TCP11L2: variants seen among roughly 807,000 people sequenced by gnomAD.
TCP11L2 encodes T-complex protein 11-like protein 2.
In TCP11L2, 39 loss-of-function variants were observed where a neutral mutation model predicts 50.7. The ratio of observed to expected loss-of-function variants is 0.77; its 90% CI spans 0.60 to 1.01. The LOEUF (loss-of-function observed/expected upper bound fraction) is 1.01, where lower values mean the gene tolerates loss of function less well. Ranked by LOEUF, TCP11L2 falls within the 50% of genes least tolerant of loss-of-function variation. TCP11L2 has a pLI of 0.00. For missense variants in TCP11L2, 612 were observed against 614.7 expected (o/e 1.00, Z 0.05); for synonymous variants, 192 against 219.3 (o/e 0.88, Z 1.10).
chr12:106,311,146 C>G lies in TCP11L2; in HGVS notation c.71C>G (p.Ser24Cys), dbSNP rs768539805. Reference sequence around the variant, plus strand: ...AGCGATTCTGATTCTTCCCGGTTTTCCGAAAGCATGGCTTCGCTCAGTGAC... The same window carrying G: ...AGCGATTCTGATTCTTCCCGGTTTTGCGAAAGCATGGCTTCGCTCAGTGAC... ...QPSDSDSSRFSESMASLSDYE... is the reference protein window; with the variant it reads ...QPSDSDSSRFCESMASLSDYE... The change falls in exon 2 of 10, where the codon TCC becomes TGC. Residue 24 changes from serine (S) to cysteine (C), a missense_variant. Physicochemically the swap from Ser to Cys is moderately radical, Grantham distance 112 (BLOSUM62 -1). Transcript: ENST00000299045. 1.2e-6 allele frequency: 2 copies of G among 1,614,184 alleles called. No individual in the cohort carries two copies. Among genetic ancestry groups the G allele is most frequent in the Non-Finnish European group, 1.7e-6 (2 of 1,180,044 alleles).
chr12:106,343,553 T>C lies in TCP11L2; in HGVS notation c.1315+2555T>C, dbSNP rs150593923. 8.4e-3 allele frequency among the ~76,000 whole-genome samples: 1,274 copies of C among 152,292 alleles called. 11 individuals carry two copies. Among genetic ancestry groups the C allele is most frequent in the African/African-American group, 0.029 (1,206 of 41,550 alleles). On this transcript the variant is annotated intron_variant, in intron 9 of 9. Transcript: ENST00000299045. ...CATAATCCCCAATTCCCATTACAAT[T>C]CTTAACCTTTTGAAAAGATATTAGA...
At position 106,311,241 on chromosome 12, in the gene TCP11L2, A is replaced by G. The variant is rs1399351000; in HGVS notation, c.157+9A>G. 3.7e-6 allele frequency: 6 copies of G among 1,613,030 alleles called. No homozygotes were observed. The highest frequency in any genetic ancestry group is 5.1e-6 in the Non-Finnish European group (6 of 1,179,382). On this transcript the variant is annotated intron_variant, in intron 2 of 9. Coordinates refer to ENST00000299045, the MANE Select transcript of TCP11L2 (RefSeq NM_152772.3). ...ATCCAGCTCTCCTGCTTGTGAGCCG[A>G]TGGGGGAGCAGGGGTTGTGGGTGGC...
intron 1 of TCP11L2, among the ~76,000 whole-genome samples, chr12:106,310,100 C>T (rs946492304): frequency 1.8e-4 from 28 of 152,292 alleles, no homozygotes; most frequent in African/African-American, 6.0e-4. Context: ...GGACCAAGGC[C>T]TGGTCATCCT....
At chr12:106,313,983 G>A (rs547904212) in intron 2 of TCP11L2, among the ~76,000 whole-genome samples, 63 of 152,112 alleles carry the variant, frequency 4.1e-4, no homozygotes, top group African/African-American at 1.4e-3. Context: ...AACCAGGATG[G>A]TCTTGATCTC....
chr12:106,305,186 T>G (rs1276019863), intron 1 of TCP11L2, among the ~76,000 whole-genome samples: 1 of 152,168 alleles, frequency 6.6e-6, no homozygotes, highest in East Asian at 1.9e-4. Context: ...GGCCTCAGGA[T>G]CTTATTATAA....
chr12:106,332,735 A>G (rs1279713975), intron 6 of TCP11L2, among the ~76,000 whole-genome samples: 1 of 136,702 alleles, frequency 7.3e-6, no homozygotes, highest in East Asian at 1.9e-4. Context: ...AAAGAAAAAG[A>G]GGAAGCTCTT....
chr12:106,328,988 A>G (rs1181087894), intron 6 of TCP11L2, among the ~76,000 whole-genome samples: 1 of 152,116 alleles, frequency 6.6e-6, no homozygotes, highest in African/African-American at 2.4e-5. Flanking sequence ...CTCTGAATTG[A>G]GACTCACAAA....
intron 1 of TCP11L2, among the ~76,000 whole-genome samples, chr12:106,305,537 A>G (rs1245334228): frequency 6.6e-6 from 1 of 152,190 alleles, no homozygotes; most frequent in East Asian, 1.9e-4. Flanking sequence ...GTGACTGCGT[A>G]ATGGGAATAT....
At chr12:106,315,506 G>T (rs553781692) in intron 3 of TCP11L2, among the ~76,000 whole-genome samples, 1 of 152,324 alleles carries the variant, frequency 6.6e-6, no homozygotes, top group East Asian at 1.9e-4. Flanking sequence ...TGTATTGTTT[G>T]TTGCTGTATC....
intron 8 of TCP11L2, among the ~76,000 whole-genome samples, chr12:106,337,270 A>G (rs2035951152): frequency 6.6e-6 from 1 of 152,204 alleles, no homozygotes; most frequent in South Asian, 2.1e-4. Context: ...ATCCTAGACT[A>G]TTAAGAGCCA....
intron 3 of TCP11L2, 83 bp downstream of exon 3, chr12:106,314,576 TGAGAGAGA>T (rs71072670): frequency 0.15 from 40,839 of 276,634 alleles, 2,750 homozygotes; most frequent in Non-Finnish European, 0.17. Flanking sequence ...TGTGTGTGTG[TGAGAGAGA>T]GAGAGAGAGA....
intron 1 of TCP11L2, among the ~76,000 whole-genome samples, chr12:106,309,993 G>A (rs961040164): frequency 2.1e-4 from 32 of 152,164 alleles, no homozygotes; most frequent in African/African-American, 7.2e-4. Flanking sequence ...AGGATTTGAG[G>A]TGCCTTTCTC....
At chr12:106,321,189 A>T (rs1421937946) in intron 4 of TCP11L2, among the ~76,000 whole-genome samples, 5 of 152,232 alleles carry the variant, frequency 3.3e-5, no homozygotes, top group African/African-American at 4.8e-5. Context: ...TGTCAGCAAT[A>T]TTAAGTAAGG....
At position 106,312,452 on chromosome 12, in the gene TCP11L2, C is replaced by A. The variant is rs2034898342; in HGVS notation, c.157+1220C>A. 6 of 1,196,680 alleles carry A rather than the reference C, an allele frequency of 5.0e-6. No individual in the cohort carries two copies. In the South Asian group the frequency reaches 8.1e-5, roughly 16 times the overall value. 74.1% of individuals were successfully genotyped at this position (1,196,680 alleles called of 1,614,324 possible). A position where few individuals can be genotyped will look rare whatever the true frequency, so the allele number is the denominator to read the frequency against. ...CACCCCAGGTTTCTGTGCCTTTTCT[C>A]ACTCTTTATACTGTATGTGGTGTTG... On this transcript the variant is annotated intron_variant, in intron 2 of 9. Transcript: ENST00000299045.
intron 9 of TCP11L2, among the ~76,000 whole-genome samples, chr12:106,342,757 G>C (rs1384282110): frequency 6.6e-6 from 1 of 152,218 alleles, no homozygotes; most frequent in Non-Finnish European, 1.5e-5. Context: ...GTCTTCCCCA[G>C]CCTGTCTGAC....
intron 6 of TCP11L2, among the ~76,000 whole-genome samples, chr12:106,328,691 C>T (rs796627039): frequency 1.3e-5 from 2 of 152,292 alleles, no homozygotes; most frequent in African/African-American, 4.8e-5. Context: ...AGTTGTATTG[C>T]AAGGAACAGA....
chr12:106,321,107 A>G (rs1040917751), intron 4 of TCP11L2, among the ~76,000 whole-genome samples: 2 of 152,180 alleles, frequency 1.3e-5, no homozygotes, highest in African/African-American at 4.8e-5. Context: ...ACCGTTGTTT[A>G]TATCAATTAG....
At chr12:106,298,275 A>AT (rs979530624), upstream of TCP11L2, among the ~76,000 whole-genome samples, 6 of 152,078 alleles carry the variant, frequency 3.9e-5, no homozygotes, top group Non-Finnish European at 7.4e-5. Context: ...GGTGTGGTTA[A>AT]TTTTTTTTAA....
At chr12:106,316,446 C>T (rs1045320398) in intron 3 of TCP11L2, among the ~76,000 whole-genome samples, 6 of 152,150 alleles carry the variant, frequency 3.9e-5, no homozygotes, top group Non-Finnish European at 8.8e-5. Flanking sequence ...CACTGGCTTC[C>T]TTCCTTACCT....
Sources: allele counts gnomAD v4.1 joint callset (sites outside exome capture counted in the v4.1 genomes callset), GRCh38; gene constraint gnomAD v4.1.1; transcripts MANE v1.5; gene names NCBI Gene and HGNC (gene_info 2026-07-23, HGNC 2026-07-21).